The following HSPG2 variants were observed in gnomAD, a reference collection of about 807,000 sequenced individuals.
HSPG2 encodes the protein heparan sulfate proteoglycan 2, also known as basement membrane-specific heparan sulfate proteoglycan core protein.
A neutral mutation model predicts 526.6 loss-of-function variants in HSPG2; 278 were observed. The ratio of observed to expected loss-of-function variants is 0.53; its 90% CI spans 0.48 to 0.58. The LOEUF (loss-of-function observed/expected upper bound fraction) is 0.58, where lower values mean the gene tolerates loss of function less well. HSPG2 is among the 20% of genes least tolerant of loss of function. The pLI is 0.00. For missense variants in HSPG2, 5,354 were observed against 6,099.5 expected, an observed-to-expected ratio of 0.88 and a Z score of 4.07; for synonymous variants, 2,465 against 2,555.4, an observed-to-expected ratio of 0.96 and a Z score of 1.07.
Position 21,864,669 on chromosome 1 carries a change from T to C in HSPG2, c.4626+174A>G, listed in dbSNP as rs1174685091. On this transcript the variant is annotated intron_variant, in intron 36 of 96. Coordinates refer to ENST00000374695, the MANE Select transcript of HSPG2 (RefSeq NM_005529.7). The surrounding 1 kb of genome is among the most constrained non-coding windows in gnomAD (Gnocchi z 4.8). ...CCCTCAGCACCTCTATTTTTTTACC[T>C]GTTAAAGGGGATAATGATATGTAAC... Among the ~76,000 whole-genome samples the C allele has an allele frequency of 1.3e-5, 2 of 152,182 alleles. No homozygotes were observed. The highest frequency in any genetic ancestry group is 2.9e-5 in the Non-Finnish European group (2 of 68,028).
At position 21,878,230 on chromosome 1, in the gene HSPG2, C is replaced by T. The variant is rs768350322; in HGVS notation, c.2641G>A (p.Glu881Lys). Residue 881 changes from glutamate to lysine, a missense_variant, in exon 21 of 97, where the codon GAG becomes AAG. Physicochemically the swap from Glu to Lys is moderately conservative, Grantham distance 56. Transcript: ENST00000374695. ...PVNQEIVRCD[E>K]RGSMGTSGEA... ...CCGGAGGTCCCCATGCTGCCACGCT[C>T]GTCACAGCGCACAATCTCCTGGTCT... 5.6e-6 allele frequency: 9 copies of T among 1,613,792 alleles called. No homozygotes were observed. Among genetic ancestry groups the T allele is most frequent in the Middle Eastern group, 1.6e-4 (1 of 6,084 alleles).
intron 1 of HSPG2, among the ~76,000 whole-genome samples, chr1:21,925,844 G>A (rs987457201): frequency 1.3e-5 from 2 of 152,036 alleles, no homozygotes; most frequent in South Asian, 2.1e-4. Flanking sequence ...GATGGATGAA[G>A]GGCCAGCCAT....
At chr1:21,876,109 CT>C in intron 23 of HSPG2, 67 bp from the exon 24 acceptor site, 1 of 1,590,588 alleles carries the variant, frequency 6.3e-7, no homozygotes, top group Non-Finnish European at 8.6e-7. Flanking sequence ...CTCCAGCCAC[CT>C]TTTCCATGCA....
chr1:21,895,945 AG>A lies in HSPG2; in HGVS notation c.220del (p.Leu74TrpfsTer15). 6.2e-7 allele frequency: 1 copy of A among 1,614,110 alleles called. No homozygotes were observed. Among genetic ancestry groups the A allele is most frequent in the Non-Finnish European group, 8.5e-7 (1 of 1,179,956 alleles). Reference protein sequence around the residue: ...ISGDDLGSGDLGSGDFQMVYF... With the variant: ...ISGDDLGSGDXGSGDFQMVYF... The stretch of plus-strand genomic sequence containing the variant: ...ACCCATCTGGAAGTCCCCGCTGCCC[AG>A]GTCCCCACTGCCCAGGTCGTCTATA... On this transcript the variant is annotated frameshift_variant, in exon 3 of 97. Transcript: ENST00000374695. LOFTEE classifies it high-confidence loss of function. The surrounding 1 kb of genome is among the most constrained non-coding windows in gnomAD (Gnocchi z 4.1).
intron 1 of HSPG2, among the ~76,000 whole-genome samples, chr1:21,899,681 A>T (rs1642985273): frequency 6.6e-6 from 1 of 152,206 alleles, no homozygotes; most frequent in Admixed American, 6.5e-5. Context: ...ACTGCATGCC[A>T]CTTTGCAATG....
chr1:21,883,740 G>A (rs1170014943), intron 13 of HSPG2, among the ~76,000 whole-genome samples: 1 of 152,246 alleles, frequency 6.6e-6, no homozygotes, highest in African/African-American at 2.4e-5. Context: ...CTGCAACGAA[G>A]AAGTGAGACT....
chr1:21,834,149 A>T (rs2098016620), intron 77 of HSPG2, among the ~76,000 whole-genome samples: 1 of 152,148 alleles, frequency 6.6e-6, no homozygotes, highest in Admixed American at 6.5e-5. Flanking sequence ...ACAGCCTGAG[A>T]CCTCTTCAAC....
rs774563670 is a variant in HSPG2, at chr1:21,854,136, A to G, written c.6439+57T>C. 1.0e-4 allele frequency: 157 copies of G among 1,506,526 alleles called. No homozygotes were observed. The South Asian group carries it at 1.1e-3, about 11-fold the overall frequency. 93.3% of individuals were successfully genotyped at this position (1,506,526 alleles called of 1,614,324 possible). A position where few individuals can be genotyped will look rare whatever the true frequency, so the allele number is the denominator to read the frequency against. On this transcript the variant is annotated intron_variant, in intron 50 of 96. Transcript: ENST00000374695. ...TGGTCCCACTGAAGAAGCCACAGGC[A>G]TCTTCCTTGGGAGCTCCTAGGGCTC...
Position 21,865,715 on chromosome 1 carries a change from A to G in HSPG2, c.4314+2T>C. 1 of 1,612,104 alleles carries G rather than the reference A, an allele frequency of 6.2e-7. No individual in the cohort carries two copies. The highest frequency in any genetic ancestry group is 8.5e-7 in the Non-Finnish European group (1 of 1,178,500). On this transcript the variant is annotated splice_donor_variant, in intron 34 of 96. Coordinates refer to ENST00000374695, the MANE Select transcript of HSPG2 (RefSeq NM_005529.7). LOFTEE classifies it high-confidence loss of function. The surrounding 1 kb of genome is among the most constrained non-coding windows in gnomAD (Gnocchi z 5.4). ...CACCCAGCATGGTGTCCAAATGCTC[A>G]CCGTGATCTGCACATCGGGGTCAGA...
chr1:21,829,348 T>C lies in HSPG2; in HGVS notation c.11992+35A>G, dbSNP rs12042189. On this transcript the variant is annotated intron_variant, in intron 87 of 96. Coordinates refer to ENST00000374695, the MANE Select transcript of HSPG2 (RefSeq NM_005529.7). ...GAGCCGAGGGGGGCACAAGGCTTGGTGTGCAGAGCCCCGCATTTGGTGCTG... is the reference window on the plus strand; with the variant it reads ...GAGCCGAGGGGGGCACAAGGCTTGGCGTGCAGAGCCCCGCATTTGGTGCTG... 287,701 of 1,594,488 alleles carry C rather than the reference T, an allele frequency of 0.18. 27,962 individuals are homozygous for C. Among genetic ancestry groups the C allele is most frequent in the South Asian group, 0.28 (25,584 of 90,754 alleles).
In HSPG2 at chr1:21,937,166, G is replaced by A; in HGVS notation, c.52C>T (p.Arg18Trp). 9.9e-7 allele frequency: 1 copy of A among 1,005,234 alleles called. No homozygotes were observed. The highest frequency in any genetic ancestry group is 1.2e-6 in the Non-Finnish European group (1 of 825,076). 62.3% of individuals were successfully genotyped at this position (1,005,234 alleles called of 1,614,324 possible). The change falls in exon 1 of 97, where the codon CGG (arginine) becomes TGG (tryptophan). Residue 18 changes from arginine (R) to tryptophan (W), a missense_variant. Arg to Trp is a moderately radical substitution (Grantham distance 101). Transcript: ENST00000374695. ...ALLLALLLHGRLLAVTHGLRA... is the reference protein window; with the variant it reads ...ALLLALLLHGWLLAVTHGLRA... ...CCCCGCACACTCACCGCCAGCAGCC[G>A]CCCGTGCAGCAGCAGCGCCAGCAGC...
At chr1:21,823,974 A>T (rs372236191) in intron 95 of HSPG2, 147 bp downstream of exon 95, 3 of 875,748 alleles carry the variant, frequency 3.4e-6, no homozygotes, top group African/African-American at 3.3e-5. Context: ...TGGAAGCCCG[A>T]GCCCTGGCTG....
Position 21,833,614 on chromosome 1 carries a change from G to T in HSPG2, c.10831C>A (p.Leu3611Met). Residue 3611 changes from leucine (L) to methionine (M), a missense_variant and splice_region_variant, in exon 79 of 97, where the codon CTG (leucine) becomes ATG (methionine). Transcript: ENST00000374695. Reference protein sequence around the residue: ...YPTPDISWSKLDGSLPPDSRL... With the variant: ...YPTPDISWSKMDGSLPPDSRL... ...CTGTCAGGTGGCAGGCTGCCATCCAGCTGCAAATGCACTAGCACTGAGGGC... is the reference window on the plus strand; with the variant it reads ...CTGTCAGGTGGCAGGCTGCCATCCATCTGCAAATGCACTAGCACTGAGGGC... 6.2e-7 allele frequency: 1 copy of T among 1,614,056 alleles called. No individual in the cohort carries two copies. The highest frequency in any genetic ancestry group is 1.1e-5 in the South Asian group (1 of 91,082).
intron 1 of HSPG2, among the ~76,000 whole-genome samples, chr1:21,923,707 G>A (rs1644107641): frequency 6.6e-6 from 1 of 152,158 alleles, no homozygotes; most frequent in Non-Finnish European, 1.5e-5. Flanking sequence ...TTCCTTGAAT[G>A]TAGCCTCCTT....
At position 21,890,520 on chromosome 1, in the gene HSPG2, C is replaced by A; in HGVS notation, c.355-35G>T. ...GACACAGTGCCATCAGCCCCAGAGG[C>A]CTTCACCCCATCCTCGGTCCTGCCC... On this transcript the variant is annotated intron_variant, in intron 4 of 96. Coordinates refer to ENST00000374695, the MANE Select transcript of HSPG2 (RefSeq NM_005529.7). This position sits in a 1 kb window ranked among gnomAD's most constrained non-coding sequence, Gnocchi z 4.1. 6.2e-7 allele frequency: 1 copy of A among 1,612,526 alleles called. No individual in the cohort carries two copies. The highest frequency in any genetic ancestry group is 2.2e-5 in the East Asian group (1 of 44,868).
In HSPG2 at chr1:21,841,180, C is replaced by A; in HGVS notation, c.9434G>T (p.Arg3145Leu). Residue 3145 changes from arginine (R) to leucine (L), a missense_variant, in exon 71 of 97, where the codon CGT becomes CTT. By Grantham distance (102) the Arg-to-Leu change is moderately radical. Coordinates refer to ENST00000374695, the MANE Select transcript of HSPG2 (RefSeq NM_005529.7). Reference protein sequence around the residue: ...VSAGEPRSSARWTRISSTPAK... With the variant: ...VSAGEPRSSALWTRISSTPAK... ...AGGGGTGCTGCTGATCCGGGTCCAACGAGCAGAGGAGCGGGGCTCCCCGGC... is the reference window on the plus strand; with the variant it reads ...AGGGGTGCTGCTGATCCGGGTCCAAAGAGCAGAGGAGCGGGGCTCCCCGGC... The A allele has an allele frequency of 6.2e-7, 1 of 1,613,826 alleles. No homozygotes were observed. Among genetic ancestry groups the A allele is most frequent in the South Asian group, 1.1e-5 (1 of 91,088 alleles).
chr1:21,915,345 C>T (rs1029435558), intron 1 of HSPG2, among the ~76,000 whole-genome samples: 3 of 152,226 alleles, frequency 2.0e-5, no homozygotes, highest in Non-Finnish European at 2.9e-5. Context: ...TTTCGGAGCC[C>T]GGACATGGAG....
At position 21,855,810 on chromosome 1, in the gene HSPG2, G is replaced by A. The variant is rs776778747; in HGVS notation, c.5678C>T (p.Pro1893Leu). 1 of 1,613,220 alleles carries A rather than the reference G, an allele frequency of 6.2e-7. No individual in the cohort carries two copies. The highest frequency in any genetic ancestry group is 1.1e-5 in the South Asian group (1 of 91,032). ...ACCTGTCCACTCGAGGGTGGGCGTG[G>A]GGCTCCCTGTGGCGCTGCAGCGGAA... is the stretch of plus-strand genomic sequence containing the variant. Reference protein sequence around the residue: ...AEFRCSATGSPTPTLEWTGGP... With the variant: ...AEFRCSATGSLTPTLEWTGGP... The change falls in exon 45 of 97, where the codon CCC becomes CTC. Residue 1893 changes from proline (P) to leucine (L), a missense_variant. Coordinates refer to ENST00000374695, the MANE Select transcript of HSPG2 (RefSeq NM_005529.7).
At chr1:21,932,140 A>AAGAGCTTCTC (rs1553181554) in intron 1 of HSPG2, among the ~76,000 whole-genome samples, 251 of 151,668 alleles carry the variant, frequency 1.7e-3, no homozygotes, top group Non-Finnish European at 2.7e-3. Flanking sequence ...TACCCAACCT[A>AAGAGCTTCTC]AGAGCTTCTG....
Sources: gnomAD v4.1 joint callset for allele counts (sites outside exome capture counted in the v4.1 genomes callset) on GRCh38, gnomAD v4.1.1 for gene constraint, Gnocchi (gnomAD v3.1) non-coding constraint, MANE v1.5 for transcripts, NCBI Gene and HGNC (gene_info 2026-07-23, HGNC 2026-07-21) for gene names.